The following AKAP7 variants were observed in gnomAD, a reference collection of about 807,000 sequenced individuals.
The protein encoded by AKAP7 is A kinase (PRKA) anchor protein 7.
In AKAP7, 39 loss-of-function variants were observed where a neutral mutation model predicts 39.5. That is an observed-to-expected ratio of 0.99 (90% CI 0.76 to 1.29). The LOEUF (loss-of-function observed/expected upper bound fraction) is 1.29, where lower values mean the gene tolerates loss of function less well. Among genes scored for constraint, AKAP7 ranks in the 50% most tolerant of loss-of-function variants. AKAP7 has a pLI of 0.00. For synonymous variants in AKAP7, 140 were observed against 139.1 expected, an observed-to-expected ratio of 1.01 and a Z score of -0.05; for missense variants, 414 against 407.7, an observed-to-expected ratio of 1.02 and a Z score of -0.13.
chr6:131,233,790 A>G (rs1430610178), intron 7 of AKAP7, among the ~76,000 whole-genome samples: 1 of 152,180 alleles, frequency 6.6e-6, no homozygotes, highest in Non-Finnish European at 1.5e-5. Context: ...GAGGTTATCT[A>G]ATCTGGAGGT....
At chr6:131,148,541 A>C (rs1424690004) in intron 2 of AKAP7, among the ~76,000 whole-genome samples, 2 of 152,232 alleles carry the variant, frequency 1.3e-5, no homozygotes, top group Admixed American at 1.3e-4. Flanking sequence ...AAAGAAGCTA[A>C]AAATGTAAAA....
intron 7 of AKAP7, among the ~76,000 whole-genome samples, chr6:131,261,208 C>A (rs78590480): frequency 9.2e-6 from 1 of 109,030 alleles, no homozygotes; most frequent in Non-Finnish European, 1.8e-5. Context: ...AACTCTGTCT[C>A]CAAAAAAAAA....
intron 2 of AKAP7, among the ~76,000 whole-genome samples, chr6:131,148,451 C>T (rs1322266114): frequency 8.2e-6 from 1 of 121,704 alleles, no homozygotes; most frequent in East Asian, 2.0e-4. Context: ...ACCTTTGACA[C>T]TTAAAGTGTG....
intron 1 of AKAP7, among the ~76,000 whole-genome samples, chr6:131,143,745 T>TA (rs531592360): frequency 1.7e-4 from 25 of 143,596 alleles, no homozygotes; most frequent in African/African-American, 6.3e-4. Flanking sequence ...ATTCTTTTTT[T>TA]TTTTTTATTT....
chr6:131,202,100 T>G (rs1807625992), intron 6 of AKAP7, among the ~76,000 whole-genome samples: 1 of 151,326 alleles, frequency 6.6e-6, no homozygotes, highest in Non-Finnish European at 1.5e-5. Flanking sequence ...CATTAAAAAG[T>G]CAGGAAACAA....
intron 7 of AKAP7, among the ~76,000 whole-genome samples, chr6:131,222,252 G>C (rs1304953277): frequency 6.6e-6 from 1 of 152,212 alleles, no homozygotes; most frequent in Non-Finnish European, 1.5e-5. Flanking sequence ...ATGGCCAGGC[G>C]CGGTGGCTCA....
At position 131,185,984 on chromosome 6, in the gene AKAP7, A is replaced by T. The variant is rs972140748; in HGVS notation, c.590-13477A>T. ...TAGATCTTTGATCCATTTCGAGTTA[A>T]TTTTTGTATATGGTGTAAGGTGTAA... is the stretch of plus-strand genomic sequence containing the variant. On this transcript the variant is annotated intron_variant, in intron 5 of 7. Transcript: ENST00000431975. Among the ~76,000 whole-genome samples, 4 of 152,260 alleles carry T rather than the reference A, an allele frequency of 2.6e-5. No individual in the cohort carries two copies. The East Asian group carries it at 7.7e-4, about 29-fold the overall frequency.
intron 7 of AKAP7, among the ~76,000 whole-genome samples, chr6:131,227,068 C>T (rs1323548548): frequency 1.3e-5 from 2 of 152,012 alleles, no homozygotes; most frequent in Non-Finnish European, 2.9e-5. Context: ...TGATAGGACA[C>T]AGTGGAAGCT....
chr6:131,165,138 G>A lies in AKAP7; in HGVS notation c.349G>A (p.Ala117Thr). The A allele has an allele frequency of 3.7e-6, 6 of 1,610,978 alleles. No homozygotes were observed. Among genetic ancestry groups the A allele is most frequent in the Non-Finnish European group, 5.1e-6 (6 of 1,177,596 alleles). Residue 117 changes from alanine to threonine, a missense_variant, in exon 4 of 8, where the codon GCC (alanine) becomes ACC (threonine). Coordinates refer to ENST00000431975, the MANE Select transcript of AKAP7 (RefSeq NM_016377.4). ...NAIIQQDERL[A>T]KAMVSDGSFH... is the part of the protein sequence containing the mutation. ...AATAATACAACAAGATGAGCGACTG[G>A]CCAAAGCAATGGTCAGTGATGGTTC...
chr6:131,199,658 G>T, intron 6 of AKAP7, 85 bp downstream of exon 6: 2 of 1,085,938 alleles, frequency 1.8e-6, no homozygotes, highest in East Asian at 2.5e-5. Context: ...ACATTGCTGT[G>T]GTCTCTGACA....
intron 7 of AKAP7, among the ~76,000 whole-genome samples, chr6:131,232,270 G>C (rs1480849767): frequency 6.6e-6 from 1 of 152,172 alleles, no homozygotes; most frequent in Non-Finnish European, 1.5e-5. Flanking sequence ...GGAGCCTTCA[G>C]TTGGAAGTTT....
intron 2 of AKAP7, among the ~76,000 whole-genome samples, chr6:131,152,657 T>G (rs1015584005): frequency 1.3e-5 from 2 of 150,422 alleles, no homozygotes; most frequent in Non-Finnish European, 2.9e-5. Flanking sequence ...CGAAACCCCA[T>G]GTCTACTAAA....
chr6:131,167,379 T>A (rs975353667), intron 4 of AKAP7, among the ~76,000 whole-genome samples: 1 of 152,270 alleles, frequency 6.6e-6, no homozygotes, highest in Middle Eastern at 3.4e-3. Context: ...AATAACGACA[T>A]AGAATTCACT....
chr6:131,253,346 C>T (rs751960373), intron 7 of AKAP7, among the ~76,000 whole-genome samples: 83 of 152,002 alleles, frequency 5.5e-4, no homozygotes, highest in Non-Finnish European at 1.0e-3. Flanking sequence ...GATACATAAT[C>T]GTTGTACATA....
At chr6:131,264,231 CAT>C (rs1399325917) in intron 7 of AKAP7, among the ~76,000 whole-genome samples, 2 of 152,170 alleles carry the variant, frequency 1.3e-5, no homozygotes, top group African/African-American at 2.4e-5. Flanking sequence ...ATGTGCTTAA[CAT>C]GTGTTCTCAG....
chr6:131,197,406 A>G (rs776483340), intron 5 of AKAP7, among the ~76,000 whole-genome samples: 2 of 152,126 alleles, frequency 1.3e-5, no homozygotes, highest in Non-Finnish European at 2.9e-5. Context: ...TTTCCATTGT[A>G]GTTGTGGCAG....
chr6:131,140,813 A>T (rs2128224420), intron 1 of AKAP7, among the ~76,000 whole-genome samples: 1 of 152,352 alleles, frequency 6.6e-6, no homozygotes, highest in Non-Finnish European at 1.5e-5. Context: ...AAGGTACAGG[A>T]TGTGTATTCA....
chr6:131,250,643 T>A (rs140527374), intron 7 of AKAP7: 2 of 1,611,228 alleles, frequency 1.2e-6, no homozygotes, highest in South Asian at 1.1e-5. Flanking sequence ...CTGTGCAGAA[T>A]CCTAAGTGCT....
chr6:131,139,084 A>G (rs1183121543), intron 1 of AKAP7, among the ~76,000 whole-genome samples: 1 of 152,234 alleles, frequency 6.6e-6, no homozygotes, highest in Non-Finnish European at 1.5e-5. Flanking sequence ...AAAGCAAAAT[A>G]TTTATACCTT....
Sources: allele counts gnomAD v4.1 joint callset (sites outside exome capture counted in the v4.1 genomes callset), GRCh38; gene constraint gnomAD v4.1.1; transcripts MANE v1.5; gene names NCBI Gene and HGNC (gene_info 2026-07-23, HGNC 2026-07-21).